The following LTBP1 variants were observed in gnomAD, a reference collection of about 807,000 sequenced individuals.
LTBP1 encodes the protein latent transforming growth factor beta binding protein 1, also known as latent-transforming growth factor beta-binding protein 1.
A neutral mutation model predicts 207.6 loss-of-function variants in LTBP1; 129 were observed. The observed-to-expected ratio is 0.62, with a 90% CI of 0.54 to 0.72. LTBP1 has a LOEUF of 0.72. LTBP1 is among the 30% of genes least tolerant of loss of function. The pLI is 0.00. For synonymous variants in LTBP1, 963 were observed against 833.7 expected, an observed-to-expected ratio of 1.16 and a Z score of -2.67; for missense variants, 2,281 against 2,217.2, an observed-to-expected ratio of 1.03 and a Z score of -0.58.
At chr2:32,998,701 C>G (rs903400935) in intron 2 of LTBP1, among the ~76,000 whole-genome samples, 1 of 151,914 alleles carries the variant, frequency 6.6e-6, no homozygotes, top group Admixed American at 6.6e-5. Context: ...CAGGTGGAGC[C>G]CTCATGACTG....
intron 9 of LTBP1, among the ~76,000 whole-genome samples, chr2:33,230,215 T>G (rs74884284): frequency 0.015 from 2,251 of 152,344 alleles, 23 homozygotes; most frequent in East Asian, 0.026. Context: ...CTTTTAAAAT[T>G]AAAGTGGTTA....
At chr2:33,089,308 A>G (rs915629347) in intron 3 of LTBP1, among the ~76,000 whole-genome samples, 2 of 152,228 alleles carry the variant, frequency 1.3e-5, no homozygotes, top group Non-Finnish European at 2.9e-5. Flanking sequence ...AAAGCAGCAT[A>G]GAACATTTAT....
chr2:33,210,957 A>G (rs1295661246), intron 7 of LTBP1, among the ~76,000 whole-genome samples: 2 of 152,202 alleles, frequency 1.3e-5, no homozygotes, highest in Admixed American at 6.5e-5. Context: ...CAGTCTCTAC[A>G]AGTATTTTTT....
At chr2:33,089,924 C>T (rs183440374) in intron 3 of LTBP1, among the ~76,000 whole-genome samples, 1 of 152,322 alleles carries the variant, frequency 6.6e-6, no homozygotes, top group African/African-American at 2.4e-5. Context: ...TTACAACAGC[C>T]ACACAAGAAT....
intron 2 of LTBP1, among the ~76,000 whole-genome samples, chr2:32,958,602 T>C (rs1031525534): frequency 1.3e-5 from 2 of 152,238 alleles, no homozygotes. Context: ...GTACAAATGC[T>C]ACCTAGGAAT....
At position 33,120,523 on chromosome 2, in the gene LTBP1, TC is replaced by T. The variant is rs1339969357; in HGVS notation, c.1033+9773del. Among the ~76,000 whole-genome samples the T allele has an allele frequency of 1.2e-4, 18 of 152,356 alleles. No individual in the cohort carries two copies. The East Asian group carries it at 3.5e-3, about 29-fold the overall frequency. On this transcript the variant is annotated intron_variant, in intron 4 of 33. Coordinates refer to ENST00000404816, the MANE Select transcript of LTBP1 (RefSeq NM_206943.4). The stretch of plus-strand genomic sequence containing the variant: ...GTTTCTGCAGAAGACATGATCTCAT[TC>T]TTTTTTATGGCTGCATAGTATTTCA...
At chr2:33,113,835 A>G (rs1411593012) in intron 4 of LTBP1, among the ~76,000 whole-genome samples, 1 of 152,132 alleles carries the variant, frequency 6.6e-6, no homozygotes, top group African/African-American at 2.4e-5. Flanking sequence ...TTATCCATTC[A>G]TCAGTTGATG....
intron 3 of LTBP1, among the ~76,000 whole-genome samples, chr2:33,106,089 A>G (rs1402441542): frequency 2.0e-5 from 3 of 152,226 alleles, no homozygotes; most frequent in Non-Finnish European, 4.4e-5. Context: ...TTCTTTGCTC[A>G]TCTGTAAGAA....
At chr2:32,993,130 T>G (rs1460331397) in intron 2 of LTBP1, among the ~76,000 whole-genome samples, 2 of 151,556 alleles carry the variant, frequency 1.3e-5, no homozygotes, top group African/African-American at 4.9e-5. Context: ...AGGTGGAAAA[T>G]GCAGCATGAG....
chr2:33,266,037 C>T (rs2093166831), intron 15 of LTBP1, among the ~76,000 whole-genome samples: 1 of 152,236 alleles, frequency 6.6e-6, no homozygotes, highest in African/African-American at 2.4e-5. Context: ...AGTCACCTAG[C>T]CACGGCTCCA....
chr2:33,375,596 C>T (rs1250824991), intron 31 of LTBP1, among the ~76,000 whole-genome samples: 4 of 152,092 alleles, frequency 2.6e-5, no homozygotes, highest in African/African-American at 4.8e-5. Context: ...GGCACGATCT[C>T]GGCTCACTGC....
chr2:33,256,761 T>G (rs1268121002), intron 11 of LTBP1, among the ~76,000 whole-genome samples: 4 of 75,148 alleles, frequency 5.3e-5, no homozygotes, highest in Admixed American at 1.6e-4. Flanking sequence ...TATATATATA[T>G]ATATATATAT....
chr2:33,265,393 A>C (rs545310758), intron 15 of LTBP1, among the ~76,000 whole-genome samples: 1 of 152,366 alleles, frequency 6.6e-6, no homozygotes, highest in African/African-American at 2.4e-5. Flanking sequence ...GTAGGAGTTT[A>C]TATGAGTGGT....
chr2:33,211,202 G>C (rs944819213), intron 7 of LTBP1, among the ~76,000 whole-genome samples: 1 of 152,142 alleles, frequency 6.6e-6, no homozygotes, highest in African/African-American at 2.4e-5. Context: ...TCTTTATGGA[G>C]TGGCCCTTTT....
intron 24 of LTBP1, 47 bp from the exon 25 acceptor site, chr2:33,342,791 T>A (rs1388476420): frequency 6.3e-7 from 1 of 1,598,928 alleles, no homozygotes; most frequent in Non-Finnish European, 8.5e-7. Flanking sequence ...CTGGTGTTTG[T>A]CAGCCTGTGT....
At chr2:32,993,317 T>C (rs1397088760) in intron 2 of LTBP1, among the ~76,000 whole-genome samples, 2 of 151,718 alleles carry the variant, frequency 1.3e-5, no homozygotes, top group South Asian at 2.1e-4. Flanking sequence ...GAAGGGAAAA[T>C]TGGTGGAGAC....
At chr2:33,289,347 G>A (rs187716911) in intron 19 of LTBP1, among the ~76,000 whole-genome samples, 119 of 152,262 alleles carry the variant, frequency 7.8e-4, no homozygotes, top group African/African-American at 2.6e-3. Context: ...TTGAGATTTA[G>A]AATCCATTTT....
At chr2:32,989,979 C>A (rs1168150894) in intron 2 of LTBP1, among the ~76,000 whole-genome samples, 1 of 152,128 alleles carries the variant, frequency 6.6e-6, no homozygotes, top group Non-Finnish European at 1.5e-5. Flanking sequence ...AATAATAGCA[C>A]CTGTAATTTC....
intron 3 of LTBP1, among the ~76,000 whole-genome samples, chr2:33,099,809 C>G (rs539187771): frequency 6.6e-6 from 1 of 152,144 alleles, no homozygotes; most frequent in African/African-American, 2.4e-5. Flanking sequence ...TCTCATAGTG[C>G]TTTAGTGTCA....
Sources: allele counts gnomAD v4.1 joint callset (sites outside exome capture counted in the v4.1 genomes callset), GRCh38; gene constraint gnomAD v4.1.1; transcripts MANE v1.5; gene names NCBI Gene and HGNC (gene_info 2026-07-23, HGNC 2026-07-21).